Variants in RBFOX1 observed in about 807,000 individuals in gnomAD.
RBFOX1 encodes the protein RNA binding fox-1 homolog 1.
RBFOX1 carries 8 observed loss-of-function variants against 57.7 expected under a neutral mutation model. That is an observed-to-expected ratio of 0.14 (90% confidence interval 0.08 to 0.25). The LOEUF is 0.25. Ranked by LOEUF, RBFOX1 falls within the 10% of genes least tolerant of loss-of-function variation. The pLI, the probability that RBFOX1 is intolerant of heterozygous loss-of-function variation, is 1.00. For synonymous variants in RBFOX1, 326 were observed against 222.4 expected (o/e 1.47, Z -4.15); for missense variants, 611 against 548.5 (o/e 1.11, Z -1.14).
At chr16:6,235,776 A>G (rs1202040626) in intron 1 of RBFOX1, among the ~76,000 whole-genome samples, 1 of 152,158 alleles carries the variant, frequency 6.6e-6, no homozygotes, top group Admixed American at 6.5e-5. Context: ...CAAACGTGGT[A>G]TGTTCTCACG....
chr16:7,091,387 T>G (rs2151117185), intron 4 of RBFOX1, among the ~76,000 whole-genome samples: 1 of 152,112 alleles, frequency 6.6e-6, no homozygotes, highest in Non-Finnish European at 1.5e-5. Flanking sequence ...AGAAATATCA[T>G]TTTATACAAA....
intron 2 of RBFOX1, among the ~76,000 whole-genome samples, chr16:6,584,001 T>TAA (rs3045197): frequency 0.3 from 43,904 of 145,858 alleles, 7,717 homozygotes; most frequent in Non-Finnish European, 0.39. Flanking sequence ...CAACAACATT[T>TAA]AAAAAAAAAA....
Position 7,416,868 on chromosome 16 carries a change from A to T in RBFOX1, c.28-101279A>T, listed in dbSNP as rs140522715. Among the ~76,000 whole-genome samples the T allele has an allele frequency of 3.3e-5, 5 of 152,206 alleles. No individual in the cohort carries two copies. In the East Asian group the frequency reaches 7.7e-4, roughly 24 times the overall value. ...CACGTAACACATATTATCTCATTCA[A>T]TCCCCGACAACAACCCTCTGAAGGA... is the stretch of plus-strand genomic sequence containing the variant. On this transcript the variant is annotated intron_variant, in intron 4 of 15. Transcript: ENST00000550418.
At chr16:5,738,619 G>A (rs560732515) in intron 3 of RBFOX1, among the ~76,000 whole-genome samples, 2 of 127,368 alleles carry the variant, frequency 1.6e-5, no homozygotes, top group South Asian at 5.5e-4. Context: ...GGGCGACAGA[G>A]CAAGGCTCTG....
At chr16:5,424,273 A>G (rs914474090) in intron 1 of RBFOX1, among the ~76,000 whole-genome samples, 2 of 152,172 alleles carry the variant, frequency 1.3e-5, no homozygotes, top group Non-Finnish European at 2.9e-5. Context: ...TTTGATCAAA[A>G]TCGTGTTTAT....
intron 4 of RBFOX1, among the ~76,000 whole-genome samples, chr16:7,437,216 C>A (rs1353930865): frequency 1.3e-5 from 2 of 151,740 alleles, no homozygotes; most frequent in East Asian, 2.0e-4. Context: ...AACAAACATA[C>A]TATCCTCAAC....
chr16:5,832,356 G>A (rs775820884), intron 3 of RBFOX1, among the ~76,000 whole-genome samples: 1 of 152,210 alleles, frequency 6.6e-6, no homozygotes, highest in Non-Finnish European at 1.5e-5. Flanking sequence ...GCTGAGGTAG[G>A]CAGGGAAGAA....
At chr16:6,992,966 C>T (rs2091740157) in intron 3 of RBFOX1, among the ~76,000 whole-genome samples, 1 of 151,990 alleles carries the variant, frequency 6.6e-6, no homozygotes, top group South Asian at 2.1e-4. Context: ...CCAATTACTT[C>T]TTTGCTTTAA....
chr16:6,917,139 C>G (rs1473523068), intron 3 of RBFOX1, among the ~76,000 whole-genome samples: 1 of 152,188 alleles, frequency 6.6e-6, no homozygotes, highest in Admixed American at 6.5e-5. Flanking sequence ...GTGTGAGCCA[C>G]TGTACCCAGC....
intron 3 of RBFOX1, among the ~76,000 whole-genome samples, chr16:6,744,347 G>T (rs894699761): frequency 6.6e-5 from 10 of 152,026 alleles, no homozygotes; most frequent in African/African-American, 2.4e-4. Flanking sequence ...TAATTAATTT[G>T]CCTTAATTAA....
chr16:5,298,447 CTCCCCTCCT>C (rs1309141184), intron 1 of RBFOX1, among the ~76,000 whole-genome samples: 2 of 101,758 alleles, frequency 2.0e-5, no homozygotes, highest in African/African-American at 8.3e-5. Context: ...CTCCCCTCCC[CTCCCCTCCT>C]TTCCCCTCCC....
chr16:7,378,567 G>A (rs2097727730), intron 4 of RBFOX1, among the ~76,000 whole-genome samples: 1 of 152,174 alleles, frequency 6.6e-6, no homozygotes, highest in Non-Finnish European at 1.5e-5. Context: ...GCCTAGGGAT[G>A]CATTTAATCT....
At chr16:6,531,020 C>G (rs777822448) in intron 2 of RBFOX1, among the ~76,000 whole-genome samples, 3 of 152,198 alleles carry the variant, frequency 2.0e-5, no homozygotes, top group Non-Finnish European at 2.9e-5. Context: ...GCCATTGTCC[C>G]CCACCTTGCA....
At chr16:6,131,821 T>C (rs1257119324) in intron 1 of RBFOX1, among the ~76,000 whole-genome samples, 1 of 152,164 alleles carries the variant, frequency 6.6e-6, no homozygotes. Flanking sequence ...CATGTGCTGC[T>C]GGTGGTAACA....
At chr16:5,814,126 T>C (rs2055534523) in intron 3 of RBFOX1, among the ~76,000 whole-genome samples, 1 of 152,186 alleles carries the variant, frequency 6.6e-6, no homozygotes, top group South Asian at 2.1e-4. Flanking sequence ...AGATGGTACC[T>C]TCCCCTCTCC....
chr16:5,393,196 G>A (rs768488925), intron 1 of RBFOX1, among the ~76,000 whole-genome samples: 6 of 152,084 alleles, frequency 3.9e-5, no homozygotes, highest in Middle Eastern at 3.4e-3. Context: ...GTGCCATCAC[G>A]GCTGGGCTGT....
At position 7,005,174 on chromosome 16, in the gene RBFOX1, C is replaced by G. The variant is rs1314750983; in HGVS notation, c.-15-46883C>G. ...ACAAAAAACGAAAAAAAACCCAAAA[C>G]TAAACAAAATAAACACATATCCTCA... On this transcript the variant is annotated intron_variant, in intron 3 of 15. Transcript: ENST00000550418. Among the ~76,000 whole-genome samples, 4 of 150,144 alleles carry G rather than the reference C, an allele frequency of 2.7e-5. No homozygotes were observed. The East Asian group carries it at 7.8e-4, about 29-fold the overall frequency.
rs1000699588 is a variant in RBFOX1, at chr16:6,807,059, C to G, written c.-16+152409C>G. On this transcript the variant is annotated intron_variant, in intron 3 of 15. Transcript: ENST00000550418. The stretch of plus-strand genomic sequence containing the variant: ...ATGATTGCCAGGCTGGTCTTGAACT[C>G]CTGACCTCAAGTAGTATGCCTGCTT... Among the ~76,000 whole-genome samples the G allele has an allele frequency of 2.0e-5, 3 of 151,740 alleles. No homozygotes were observed. The South Asian group carries it at 6.3e-4, about 32-fold the overall frequency.
intron 1 of RBFOX1, among the ~76,000 whole-genome samples, chr16:6,122,755 C>T (rs1038713790): frequency 3.3e-5 from 5 of 151,618 alleles, no homozygotes; most frequent in African/African-American, 1.2e-4. Context: ...CCTTTGTCAT[C>T]CATTCTGCTG....
Sources: allele counts gnomAD v4.1 joint callset (sites outside exome capture counted in the v4.1 genomes callset), GRCh38; gene constraint gnomAD v4.1.1; transcripts MANE v1.5; gene names NCBI Gene and HGNC (gene_info 2026-07-23, HGNC 2026-07-21).